NAV3: variants seen among roughly 807,000 people sequenced by gnomAD.
The protein encoded by NAV3 is neuron navigator 3.
NAV3 carries 87 observed loss-of-function variants against 244.7 expected under a neutral mutation model. The ratio of observed to expected loss-of-function variants is 0.36; its 90% CI spans 0.30 to 0.42. The LOEUF (loss-of-function observed/expected upper bound fraction) is 0.42, where lower values mean the gene tolerates loss of function less well. NAV3 is among the 20% of genes least tolerant of loss of function. The pLI, the probability that NAV3 is intolerant of heterozygous loss-of-function variation, is 1.00. For missense variants in NAV3, 2,663 were observed against 2,893.3 expected (o/e 0.92, Z 1.83); for synonymous variants, 1,126 against 1,042.2 (o/e 1.08, Z -1.55).
intron 18 of NAV3, among the ~76,000 whole-genome samples, chr12:78,132,667 T>G (rs570647626): frequency 6.6e-6 from 1 of 152,282 alleles, no homozygotes; most frequent in South Asian, 2.1e-4. Flanking sequence ...TACCAAGTTG[T>G]TTTTCCTGTA....
chr12:77,590,575 C>A (rs192551882), intron 2 of NAV3, among the ~76,000 whole-genome samples: 5 of 152,240 alleles, frequency 3.3e-5, no homozygotes, highest in Admixed American at 1.3e-4. Context: ...AGGCTTAATA[C>A]CTGAGTGATG....
At chr12:77,671,654 A>C (rs1373783507) in intron 2 of NAV3, among the ~76,000 whole-genome samples, 1 of 152,124 alleles carries the variant, frequency 6.6e-6, no homozygotes, top group Non-Finnish European at 1.5e-5. Flanking sequence ...ACAAAAACGC[A>C]GAGTGGGGAA....
At chr12:78,137,635 A>C (rs775296560) in intron 19 of NAV3, among the ~76,000 whole-genome samples, 1 of 152,188 alleles carries the variant, frequency 6.6e-6, no homozygotes, top group Non-Finnish European at 1.5e-5. Context: ...ATATACATAT[A>C]AACTATTTTC....
intron 1 of NAV3, among the ~76,000 whole-genome samples, chr12:77,875,633 T>A (rs978621968): frequency 3.3e-5 from 5 of 151,222 alleles, no homozygotes; most frequent in African/African-American, 4.9e-5. Context: ...AATTATAATT[T>A]GATTATCTAA....
In NAV3 at chr12:78,198,627, A is replaced by T; in HGVS notation, c.6469A>T (p.Asn2157Tyr). ...TAGTCCATATATTATTGGAACAATG[A>T]ATCAGGGAGTTTCTTCATCACCAAA... Reference protein sequence around the residue: ...NKCPYIIGTMNQGVSSSPNLE... With the variant: ...NKCPYIIGTMYQGVSSSPNLE... The change falls in exon 36 of 40, where the codon AAT becomes TAT. Residue 2157 changes from asparagine (N) to tyrosine (Y), a missense_variant. Around this residue, in one of 6 missense-constraint regions of NAV3, gnomAD observed 543 missense variants for 672.4 expected, o/e 0.81. Coordinates refer to ENST00000397909, the MANE Select transcript of NAV3 (RefSeq NM_001024383.2). 1 of 1,598,462 alleles carries T rather than the reference A, an allele frequency of 6.3e-7. No homozygotes were observed. Among genetic ancestry groups the T allele is most frequent in the Non-Finnish European group, 8.5e-7 (1 of 1,170,568 alleles).
chr12:77,598,301 C>T lies in NAV3; in HGVS notation c.72+26035C>T, dbSNP rs1356978311. Among the ~76,000 whole-genome samples, 10 of 151,786 alleles carry T rather than the reference C, an allele frequency of 6.6e-5. No homozygotes were observed. In the South Asian group the frequency reaches 1.5e-3, roughly 22 times the overall value. On this transcript the variant is annotated intron_variant, in intron 2 of 8. Transcript: ENST00000550042. Reference sequence around the variant, plus strand: ...TGAATAATCTTTGTATGGATGTATCCCAATCTATTGACCATTTCATTATTG... The same window carrying T: ...TGAATAATCTTTGTATGGATGTATCTCAATCTATTGACCATTTCATTATTG...
At chr12:78,141,154 A>G (rs1295620199) in intron 20 of NAV3, among the ~76,000 whole-genome samples, 2 of 152,142 alleles carry the variant, frequency 1.3e-5, no homozygotes, top group African/African-American at 2.4e-5. Flanking sequence ...AGCCTCCCCA[A>G]GTGCTGGGAT....
intron 2 of NAV3, among the ~76,000 whole-genome samples, chr12:77,816,024 A>T (rs761726596): frequency 6.6e-6 from 1 of 152,198 alleles, no homozygotes; most frequent in African/African-American, 2.4e-5. Flanking sequence ...GAACAGGAGT[A>T]CTGGGAAATA....
chr12:77,727,420 A>C (rs1316720404), intron 2 of NAV3, among the ~76,000 whole-genome samples: 2 of 149,414 alleles, frequency 1.3e-5, no homozygotes, highest in Admixed American at 6.6e-5. Context: ...TTCAGCTCTT[A>C]AGAGGAACAA....
At chr12:78,045,776 C>T (rs576694660) in intron 9 of NAV3, among the ~76,000 whole-genome samples, 1 of 152,214 alleles carries the variant, frequency 6.6e-6, no homozygotes, top group Non-Finnish European at 1.5e-5. Flanking sequence ...CCCTCTTTTT[C>T]TATTGATTGG....
intron 2 of NAV3, among the ~76,000 whole-genome samples, chr12:77,771,921 AAAAATT>A (rs1311542389): frequency 1.8e-4 from 3 of 17,116 alleles, no homozygotes; most frequent in Non-Finnish European, 6.8e-3. Context: ...ATAATAATAA[AAAAATT>A]AAAAAAAAAT....
chr12:77,603,601 A>G (rs1050555801), intron 2 of NAV3, among the ~76,000 whole-genome samples: 1 of 152,106 alleles, frequency 6.6e-6, no homozygotes, highest in Non-Finnish European at 1.5e-5. Context: ...ACCTTGATCT[A>G]TGGATTAATA....
intron 1 of NAV3, among the ~76,000 whole-genome samples, chr12:77,930,175 C>G (rs1317734822): frequency 6.6e-6 from 1 of 152,050 alleles, no homozygotes; most frequent in Non-Finnish European, 1.5e-5. Context: ...AGACTATTGA[C>G]TTTTTGGGAT....
At chr12:77,964,743 T>C (rs1429546237) in intron 3 of NAV3, among the ~76,000 whole-genome samples, 1 of 152,180 alleles carries the variant, frequency 6.6e-6, no homozygotes, top group Non-Finnish European at 1.5e-5. Context: ...TCTTCAACTC[T>C]ATTATTTATT....
chr12:77,780,266 C>A (rs1870597772), intron 2 of NAV3, among the ~76,000 whole-genome samples: 2 of 152,120 alleles, frequency 1.3e-5, no homozygotes, highest in Admixed American at 6.5e-5. Flanking sequence ...CACTTTTGTA[C>A]CCCTTTATCT....
At position 78,211,637 on chromosome 12, in the gene NAV3, A is replaced by T. The variant is rs1321947241; in HGVS notation, c.*1120A>T. 6.6e-6 allele frequency: 1 copy of T among 152,610 alleles called. No individual in the cohort carries two copies. Among genetic ancestry groups the T allele is most frequent in the African/African-American group, 2.4e-5 (1 of 41,452 alleles). The allele number at this position is 152,610 out of a possible 1,614,324, so 9.5% of individuals were successfully genotyped here. ...CGAAATTCCATCCAGTTCTAAGTGAAAGAGTTTCAGAAGGCAGAAGATTTT... is the reference window on the plus strand; with the variant it reads ...CGAAATTCCATCCAGTTCTAAGTGATAGAGTTTCAGAAGGCAGAAGATTTT... On this transcript the variant is annotated 3_prime_UTR_variant, in exon 40 of 40. Transcript: ENST00000397909.
chr12:78,144,920 A>T (rs1291668642), intron 20 of NAV3: 1 of 18,750 alleles, frequency 5.3e-5, no homozygotes, highest in African/African-American at 2.1e-4. Context: ...CTCAAAAAAA[A>T]AAAAAAAAAA....
chr12:77,907,335 G>A (rs943839809), intron 1 of NAV3, among the ~76,000 whole-genome samples: 2 of 152,258 alleles, frequency 1.3e-5, no homozygotes, highest in South Asian at 2.1e-4. Flanking sequence ...GAAAGCCATT[G>A]CTTTTTGTCT....
intron 2 of NAV3, among the ~76,000 whole-genome samples, chr12:77,778,943 G>A (rs1198005775): frequency 6.6e-6 from 1 of 152,298 alleles, no homozygotes; most frequent in South Asian, 2.1e-4. Context: ...GGTATGTAAT[G>A]TGTGTGTTGG....
Sources: gnomAD v4.1 joint callset for allele counts (sites outside exome capture counted in the v4.1 genomes callset) on GRCh38, gnomAD v4.1.1 for gene constraint, gnomAD v4.1.1 regional missense constraint, MANE v1.5 for transcripts, NCBI Gene and HGNC (gene_info 2026-07-23, HGNC 2026-07-21) for gene names.